ARID5B: variants seen among roughly 807,000 people sequenced by gnomAD.
ARID5B encodes AT-rich interaction domain 5B, also known as AT-rich interactive domain-containing protein 5B.
ARID5B carries 13 observed loss-of-function variants against 97.2 expected under a neutral mutation model. That is an observed-to-expected ratio of 0.13 (90% confidence interval 0.09 to 0.21). ARID5B has a LOEUF of 0.21. Among genes scored for constraint, ARID5B ranks in the 10% least tolerant of loss-of-function variants. ARID5B has a pLI of 1.00. For synonymous variants in ARID5B, 556 were observed against 570.3 expected, an observed-to-expected ratio of 0.97 and a Z score of 0.36; for missense variants, 1,210 against 1,465.3, an observed-to-expected ratio of 0.83 and a Z score of 2.84.
chr10:62,001,225 C>A (rs1839076234), intron 4 of ARID5B, among the ~76,000 whole-genome samples: 1 of 152,160 alleles, frequency 6.6e-6, no homozygotes, highest in African/African-American at 2.4e-5. Flanking sequence ...CCTTATCAAA[C>A]TGCTTGTGTT....
chr10:61,917,861 A>G (rs536681238), intron 2 of ARID5B, among the ~76,000 whole-genome samples: 29 of 152,214 alleles, frequency 1.9e-4, no homozygotes, highest in Non-Finnish European at 3.5e-4. Flanking sequence ...TGGAGTCTAC[A>G]TTTAGGCTTG....
rs144443996 is a variant in ARID5B at position 62,013,706 on chromosome 10, T to C, written c.733+13385T>C. ...TCTTTCTGTGACTACCTTACTTCAC[T>C]CCACACAATGCCCTCCAGGTTCTTT... On this transcript the variant is annotated intron_variant, in intron 4 of 9. Coordinates refer to ENST00000279873, the MANE Select transcript of ARID5B (RefSeq NM_032199.3). Among the ~76,000 whole-genome samples the C allele has an allele frequency of 1.7e-3, 261 of 151,756 alleles. 4 individuals are homozygous for C. Among genetic ancestry groups the C allele is most frequent in the Admixed American group, 0.017 (253 of 15,176 alleles).
At chr10:61,965,163 G>C (rs1838526522) in intron 3 of ARID5B, among the ~76,000 whole-genome samples, 1 of 152,156 alleles carries the variant, frequency 6.6e-6, no homozygotes, top group African/African-American at 2.4e-5. Context: ...CTAATGATTA[G>C]CTGTTACAGT....
At chr10:61,985,427 C>G (rs1366857882) in intron 3 of ARID5B, among the ~76,000 whole-genome samples, 9 of 151,932 alleles carry the variant, frequency 5.9e-5, no homozygotes, top group South Asian at 2.1e-4. Flanking sequence ...TGGTGTCTGA[C>G]CAGCCAATAG....
At chr10:61,965,459 A>G (rs1200617632) in intron 3 of ARID5B, among the ~76,000 whole-genome samples, 1 of 152,078 alleles carries the variant, frequency 6.6e-6, no homozygotes, top group Admixed American at 6.6e-5. Flanking sequence ...TTTACCCTCC[A>G]CCCACCCCAG....
intron 3 of ARID5B, among the ~76,000 whole-genome samples, chr10:61,961,061 C>T (rs1001964818): frequency 2.0e-5 from 3 of 152,210 alleles, no homozygotes; most frequent in African/African-American, 7.2e-5. Flanking sequence ...TACATGGTAG[C>T]ATTATTAAAC....
At chr10:61,926,227 A>C (rs1009925910) in intron 2 of ARID5B, among the ~76,000 whole-genome samples, 2 of 152,354 alleles carry the variant, frequency 1.3e-5, no homozygotes, top group Middle Eastern at 3.4e-3. Flanking sequence ...TTAAAAATTA[A>C]AATCCTTTTT....
intron 2 of ARID5B, among the ~76,000 whole-genome samples, chr10:61,928,648 A>G (rs1357868279): frequency 6.6e-6 from 1 of 152,158 alleles, no homozygotes; most frequent in Non-Finnish European, 1.5e-5. Context: ...TGGGATTCTG[A>G]CTGATACAAG....
At chr10:61,933,643 C>T (rs1483247073) in intron 2 of ARID5B, among the ~76,000 whole-genome samples, 1 of 152,184 alleles carries the variant, frequency 6.6e-6, no homozygotes, top group Non-Finnish European at 1.5e-5. Flanking sequence ...TGTCAATAAG[C>T]AGTCATATTT....
At chr10:61,919,619 C>T (rs910349870) in intron 2 of ARID5B, among the ~76,000 whole-genome samples, 8 of 152,156 alleles carry the variant, frequency 5.3e-5, no homozygotes, top group African/African-American at 7.2e-5. Flanking sequence ...TCAGTCTCCT[C>T]GCCAAATGAT....
chr10:62,072,892 A>G (rs1171022467), intron 8 of ARID5B, among the ~76,000 whole-genome samples: 1 of 152,238 alleles, frequency 6.6e-6, no homozygotes, highest in Non-Finnish European at 1.5e-5. Flanking sequence ...GGCAGAGGAC[A>G]TGCACATATA....
At chr10:61,923,607 C>T (rs2393786) in intron 2 of ARID5B, among the ~76,000 whole-genome samples, 1 of 152,082 alleles carries the variant, frequency 6.6e-6, no homozygotes, top group Non-Finnish European at 1.5e-5. Context: ...CCATCTCCCC[C>T]ACCTTGGCTG....
At chr10:61,972,432 T>C (rs1006512813) in intron 3 of ARID5B, among the ~76,000 whole-genome samples, 4 of 152,134 alleles carry the variant, frequency 2.6e-5, no homozygotes, top group African/African-American at 9.7e-5. Flanking sequence ...TTTCACCATG[T>C]TGGCCAGGCT....
At chr10:61,992,648 G>A (rs1302508486) in intron 3 of ARID5B, among the ~76,000 whole-genome samples, 1 of 151,984 alleles carries the variant, frequency 6.6e-6, no homozygotes, top group Non-Finnish European at 1.5e-5. Context: ...GCCTATCCTG[G>A]GAAGATCTGT....
chr10:61,984,562 G>T (rs559689276), intron 3 of ARID5B, among the ~76,000 whole-genome samples: 1 of 152,156 alleles, frequency 6.6e-6, no homozygotes, highest in Non-Finnish European at 1.5e-5. Context: ...CAGCAGGTGG[G>T]GGGGGCCTCA....
At position 61,983,867 on chromosome 10, in the gene ARID5B, C is replaced by CTTTTTTT. The variant is rs1164342402; in HGVS notation, c.503-16199_503-16193dup. Among the ~76,000 whole-genome samples the CTTTTTTT allele has an allele frequency of 1.2e-3, 33 of 27,592 alleles. 6 individuals carry two copies. The highest frequency in any genetic ancestry group is 3.8e-3 in the African/African-American group (24 of 6,322). 18.1% of individuals were successfully genotyped at this position (27,592 alleles called of 152,430 possible). ...TATATTTTTTAAACCCCCTTTTGTTCTTTTTTTTTTTTTTTTTTTTTTTTT... is the reference window on the plus strand; with the variant it reads ...TATATTTTTTAAACCCCCTTTTGTTCTTTTTTTTTTTTTTTTTTTTTTTTTTTTTTTT... On this transcript the variant is annotated intron_variant, in intron 3 of 9. Transcript: ENST00000279873.
intron 2 of ARID5B, among the ~76,000 whole-genome samples, chr10:61,939,018 G>A (rs1387558492): frequency 6.7e-6 from 1 of 148,792 alleles, no homozygotes; most frequent in African/African-American, 2.5e-5. Context: ...TGGGGCAGGG[G>A]GAGGAGGAAA....
At chr10:61,965,375 G>A (rs1838530188) in intron 3 of ARID5B, among the ~76,000 whole-genome samples, 1 of 152,090 alleles carries the variant, frequency 6.6e-6, no homozygotes, top group Non-Finnish European at 1.5e-5. Flanking sequence ...TTTTAACTCT[G>A]TATTAAAGAG....
chr10:61,916,609 G>A (rs1392385417), intron 2 of ARID5B, among the ~76,000 whole-genome samples: 1 of 152,118 alleles, frequency 6.6e-6, no homozygotes, highest in Non-Finnish European at 1.5e-5. Context: ...ACTTGTCCGG[G>A]TTTCCAAATT....
Sources: gnomAD v4.1 joint callset for allele counts (sites outside exome capture counted in the v4.1 genomes callset) on GRCh38, gnomAD v4.1.1 for gene constraint, MANE v1.5 for transcripts, NCBI Gene and HGNC (gene_info 2026-07-23, HGNC 2026-07-21) for gene names.